Variants in MCM8 observed in about 807,000 individuals in gnomAD.
MCM8 encodes the protein DNA helicase MCM8.
MCM8 carries 85 observed loss-of-function variants against 98.9 expected under a neutral mutation model. That is an observed-to-expected ratio of 0.86 (90% CI 0.72 to 1.03). MCM8 has a LOEUF of 1.03. Ranked by LOEUF, MCM8 falls within the 50% of genes least tolerant of loss-of-function variation. The pLI is 0.00. For synonymous variants in MCM8, 352 were observed against 338.6 expected (o/e 1.04, Z -0.44); for missense variants, 951 against 997.8 (o/e 0.95, Z 0.63).
At chr20:5,964,118 G>C in intron 8 of MCM8, among the ~76,000 whole-genome samples, 1 of 79,532 alleles carries the variant, frequency 1.3e-5, no homozygotes, top group South Asian at 4.7e-4. Flanking sequence ...TTTTTTAATA[G>C]CTTTTTTTTT....
At position 5,959,730 on chromosome 20, in the gene MCM8, G is replaced by A. The variant is rs545883545; in HGVS notation, c.789+1004G>A. 8.2e-5 allele frequency among the ~76,000 whole-genome samples: 10 copies of A among 122,156 alleles called. No homozygotes were observed. The South Asian group carries it at 2.2e-3, about 27-fold the overall frequency. The allele number at this position is 122,156 out of a possible 152,430, so 80.1% of individuals were successfully genotyped here. On this transcript the variant is annotated intron_variant, in intron 7 of 18. Transcript: ENST00000610722. ...TTTTTTTTTTTTGAGACGGAGTCTC[G>A]CTCTGTTGCCCGGGCTGGAGTGCAG...
chr20:5,985,692 C>T (rs113441577), intron 15 of MCM8, among the ~76,000 whole-genome samples: 3,547 of 151,888 alleles, frequency 0.023, 126 homozygotes, highest in African/African-American at 0.076. Context: ...ACTCCAGGCA[C>T]GTGCCACCAC....
Position 5,985,019 on chromosome 20 carries a change from C to G in MCM8, c.1953+19C>G, listed in dbSNP as rs761558312. 7 of 1,594,730 alleles carry G rather than the reference C, an allele frequency of 4.4e-6. No individual in the cohort carries two copies. Among genetic ancestry groups the G allele is most frequent in the Non-Finnish European group, 6.0e-6 (7 of 1,163,826 alleles). On this transcript the variant is annotated intron_variant, in intron 15 of 18. Coordinates refer to ENST00000610722, the MANE Select transcript of MCM8 (RefSeq NM_032485.6). ...ACTAAAGGTATAAATGTTTCTTCTCCTTATTCAGTTTGGTTCTGTTTGAAT... is the reference window on the plus strand; with the variant it reads ...ACTAAAGGTATAAATGTTTCTTCTCGTTATTCAGTTTGGTTCTGTTTGAAT...
chr20:5,994,786 A>G lies in MCM8; in HGVS notation c.*395A>G, dbSNP rs1131807. The G allele has an allele frequency of 2.9e-5, 13 of 443,298 alleles. No homozygotes were observed. Among genetic ancestry groups the G allele is most frequent in the Non-Finnish European group, 4.5e-6 (1 of 222,680 alleles). 27.5% of individuals were successfully genotyped at this position (443,298 alleles called of 1,614,324 possible). A position where few individuals can be genotyped will look rare whatever the true frequency, so the allele number is the denominator to read the frequency against. On this transcript the variant is annotated 3_prime_UTR_variant, in exon 19 of 19. Coordinates refer to ENST00000610722, the MANE Select transcript of MCM8 (RefSeq NM_032485.6). ...TAGCTGGGTATGGTGGCACATGCCT[A>G]TAGTCTCAGCTACTTGTGAGGCTGA... is the stretch of plus-strand genomic sequence containing the variant.
At chr20:5,989,760 A>C (rs1256471314) in intron 17 of MCM8, among the ~76,000 whole-genome samples, 1 of 152,146 alleles carries the variant, frequency 6.6e-6, no homozygotes. Flanking sequence ...AAGGGCACCC[A>C]TGTCACCTCC....
At chr20:5,954,781 C>G in intron 4 of MCM8, 91 bp downstream of exon 4, 1 of 775,310 alleles carries the variant, frequency 1.3e-6, no homozygotes, top group Non-Finnish European at 2.2e-6. Flanking sequence ...GCACTGGAGT[C>G]AGACTTCCTT....
intron 5 of MCM8, 92 bp downstream of exon 5, chr20:5,955,343 C>T (rs2088949591): frequency 8.3e-7 from 1 of 1,212,114 alleles, no homozygotes; most frequent in South Asian, 1.5e-5. Context: ...GAAGATTTTA[C>T]AGTGACTGTA....
intron 4 of MCM8, 76 bp downstream of exon 4, chr20:5,954,766 C>T (rs748004056): frequency 1.3e-4 from 112 of 879,918 alleles, no homozygotes; most frequent in Non-Finnish European, 1.8e-4. Context: ...TGATTATGAT[C>T]GTAGGCACTG....
At chr20:5,975,265 A>G (rs907174508) in intron 12 of MCM8, among the ~76,000 whole-genome samples, 1 of 152,078 alleles carries the variant, frequency 6.6e-6, no homozygotes, top group African/African-American at 2.4e-5. Context: ...TCTTTAAAAA[A>G]AAAAAAAAAG....
chr20:5,986,086 A>G lies in MCM8; in HGVS notation c.2118A>G (p.Ser706=), dbSNP rs756600179. 6.2e-7 allele frequency: 1 copy of G among 1,614,218 alleles called. No individual in the cohort carries two copies. The highest frequency in any genetic ancestry group is 8.5e-7 in the Non-Finnish European group (1 of 1,180,040). Residue 706 remains serine (S), a synonymous_variant, in exon 16 of 19, where the codon TCA becomes TCG. Transcript: ENST00000610722. ...AACAGAGCCAGAGGTTAAATAGCTC[A>G]CCAATCACTACCAGGCAGCTGGAAT... is the stretch of plus-strand genomic sequence containing the variant. ...LRKQSQRLNS[S]PITTRQLESL...
intron 14 of MCM8, 85 bp downstream of exon 14, chr20:5,983,250 G>A: frequency 8.6e-7 from 1 of 1,156,260 alleles, no homozygotes; most frequent in South Asian, 1.7e-5. Flanking sequence ...AGAACTACAG[G>A]GGAAAAACAT....
At chr20:5,971,332 T>A (rs1242822465) in intron 10 of MCM8, among the ~76,000 whole-genome samples, 3 of 152,252 alleles carry the variant, frequency 2.0e-5, no homozygotes, top group Non-Finnish European at 2.9e-5. Flanking sequence ...CAAAGCTTCA[T>A]CTGCATGATA....
At chr20:5,992,249 C>A (rs1001997042) in intron 17 of MCM8, among the ~76,000 whole-genome samples, 2 of 152,122 alleles carry the variant, frequency 1.3e-5, no homozygotes, top group Non-Finnish European at 2.9e-5. Flanking sequence ...TAACTTCTGG[C>A]AAGTCACTTT....
chr20:5,978,019 T>C lies in MCM8; in HGVS notation c.1537+2T>C, dbSNP rs760877274. On this transcript the variant is annotated splice_donor_variant, in intron 13 of 18. Coordinates refer to ENST00000610722, the MANE Select transcript of MCM8 (RefSeq NM_032485.6). LOFTEE classifies it high-confidence loss of function. ...GTGCCCTGGTACTTGGTGATCAAGG[T>C]GAGAGGCCAAAGGGAATAATTAGTG... The C allele has an allele frequency of 1.9e-6, 3 of 1,614,176 alleles. No individual in the cohort carries two copies. The highest frequency in any genetic ancestry group is 8.5e-7 in the Non-Finnish European group (1 of 1,180,038).
rs575416200 is a variant in MCM8 at position 5,971,989 on chromosome 20, T to C, written c.1224-18T>C. The C allele has an allele frequency of 5.0e-6, 8 of 1,608,734 alleles. No homozygotes were observed. Among genetic ancestry groups the C allele is most frequent in the Middle Eastern group, 1.7e-4 (1 of 6,030 alleles). Reference sequence around the variant, plus strand: ...TGAAGTATAAATTAGAATTTATAAGTTGTGTTCTGTTTTTCAGCTCGCTTT... The same window carrying C: ...TGAAGTATAAATTAGAATTTATAAGCTGTGTTCTGTTTTTCAGCTCGCTTT... On this transcript the variant is annotated intron_variant, in intron 10 of 18. Coordinates refer to ENST00000610722, the MANE Select transcript of MCM8 (RefSeq NM_032485.6).
Position 5,972,045 on chromosome 20 carries a change from T to C in MCM8, c.1254+8T>C. The C allele has an allele frequency of 6.2e-7, 1 of 1,602,718 alleles. No homozygotes were observed. The highest frequency in any genetic ancestry group is 8.5e-7 in the Non-Finnish European group (1 of 1,171,676). ...GTCATTTTTGGTCATGAAGTAAGTA[T>C]TTTACTTCATCTTTACTCAAAAAGT... On this transcript the variant is annotated splice_region_variant and intron_variant, in intron 11 of 18. Transcript: ENST00000610722.
chr20:5,959,688 TAC>T (rs368977603), intron 7 of MCM8, among the ~76,000 whole-genome samples: 2 of 133,958 alleles, frequency 1.5e-5, no homozygotes, highest in Non-Finnish European at 3.1e-5. Flanking sequence ...TTGTAGGCTG[TAC>T]TTTTTTTTTT....
chr20:5,967,660 C>T (rs2089305129), intron 9 of MCM8, 73 bp downstream of exon 9: 4 of 1,481,988 alleles, frequency 2.7e-6, no homozygotes. Context: ...TAAGATGCTC[C>T]TGAACCTCAA....
intron 17 of MCM8, among the ~76,000 whole-genome samples, chr20:5,987,894 C>T (rs531705162): frequency 2.0e-4 from 30 of 152,170 alleles, no homozygotes; most frequent in Admixed American, 4.6e-4. Context: ...TGTGCACCTA[C>T]GTGATAAATT....
Sources: gnomAD v4.1 joint callset for allele counts (sites outside exome capture counted in the v4.1 genomes callset) on GRCh38, gnomAD v4.1.1 for gene constraint, MANE v1.5 for transcripts, NCBI Gene and HGNC (gene_info 2026-07-23, HGNC 2026-07-21) for gene names.